Variants in GTF2F2 observed in about 807,000 individuals in gnomAD.
The protein encoded by GTF2F2 is ATP-dependent helicase GTF2F2.
A neutral mutation model predicts 42.2 loss-of-function variants in GTF2F2; 23 were observed. The ratio of observed to expected loss-of-function variants is 0.55; its 90% CI spans 0.39 to 0.77. GTF2F2 has a LOEUF of 0.77. Ranked by LOEUF, GTF2F2 falls within the 30% of genes least tolerant of loss-of-function variation. GTF2F2 has a pLI of 0.00. For missense variants in GTF2F2, 261 were observed against 287.2 expected (o/e 0.91, Z 0.66); for synonymous variants, 105 against 100.8 (o/e 1.04, Z -0.25).
intron 5 of GTF2F2, among the ~76,000 whole-genome samples, chr13:45,245,024 T>C (rs542589840): frequency 6.6e-6 from 1 of 152,330 alleles, no homozygotes; most frequent in South Asian, 2.1e-4. Flanking sequence ...CAGATGTTTG[T>C]ATCTATTTTA....
chr13:45,248,002 A>G (rs1199169977), intron 5 of GTF2F2, among the ~76,000 whole-genome samples: 5 of 151,612 alleles, frequency 3.3e-5, no homozygotes, highest in Admixed American at 6.6e-5. Flanking sequence ...GCATCACCAC[A>G]CCTGGCTAAT....
Position 45,131,089 on chromosome 13 carries a change from C to T in GTF2F2, c.67-5644C>T, listed in dbSNP as rs1015287764. Among the ~76,000 whole-genome samples the T allele has an allele frequency of 7.2e-5, 11 of 151,956 alleles. No homozygotes were observed. The South Asian group carries it at 2.3e-3, about 32-fold the overall frequency. On this transcript the variant is annotated intron_variant, in intron 1 of 7. Transcript: ENST00000340473. ...CCAACATGGAGAAACCCCGTCTCTGCTAAAAATACAAAATTAGCTGAGGCA... is the reference window on the plus strand; with the variant it reads ...CCAACATGGAGAAACCCCGTCTCTGTTAAAAATACAAAATTAGCTGAGGCA...
chr13:45,265,259 A>C (rs1171416701), intron 6 of GTF2F2, among the ~76,000 whole-genome samples: 3 of 140,350 alleles, frequency 2.1e-5, no homozygotes, highest in Admixed American at 1.6e-4. Flanking sequence ...ACACCATTTC[A>C]AAAAAAAAAA....
intron 4 of GTF2F2, among the ~76,000 whole-genome samples, chr13:45,184,576 C>T (rs1328943459): frequency 6.6e-6 from 1 of 152,010 alleles, no homozygotes; most frequent in Non-Finnish European, 1.5e-5. Flanking sequence ...ATTGTGAAAT[C>T]CTCACCTGCT....
chr13:45,230,130 C>T (rs1321951051), intron 5 of GTF2F2, among the ~76,000 whole-genome samples: 5 of 151,894 alleles, frequency 3.3e-5, no homozygotes, highest in Non-Finnish European at 5.9e-5. Context: ...GAAGGAGAAT[C>T]GTTTAAACCC....
intron 5 of GTF2F2, among the ~76,000 whole-genome samples, chr13:45,247,932 C>T (rs1875712564): frequency 6.6e-6 from 1 of 152,118 alleles, no homozygotes; most frequent in Non-Finnish European, 1.5e-5. Context: ...ACAACCTCTA[C>T]CTTCTGGGTT....
chr13:45,170,970 A>G (rs1871565911), intron 4 of GTF2F2, among the ~76,000 whole-genome samples: 2 of 152,108 alleles, frequency 1.3e-5, no homozygotes, highest in African/African-American at 4.8e-5. Context: ...TGGCTCAGGC[A>G]GCAGCAGAAA....
chr13:45,259,253 C>T, intron 6 of GTF2F2, among the ~76,000 whole-genome samples: 1 of 152,042 alleles, frequency 6.6e-6, no homozygotes, highest in East Asian at 1.9e-4. Flanking sequence ...CTGGTAAAAC[C>T]CCGTCTCTAC....
intron 5 of GTF2F2, among the ~76,000 whole-genome samples, chr13:45,226,276 AC>A (rs1222160330): frequency 6.6e-6 from 1 of 152,182 alleles, no homozygotes; most frequent in Non-Finnish European, 1.5e-5. Context: ...CTCTAAACTT[AC>A]GCTGTTGGTT....
At chr13:45,137,098 C>A (rs1869668662) in intron 2 of GTF2F2, among the ~76,000 whole-genome samples, 1 of 152,198 alleles carries the variant, frequency 6.6e-6, no homozygotes, top group African/African-American at 2.4e-5. Context: ...TTTCACCCCT[C>A]CATCCTGTCT....
intron 5 of GTF2F2, among the ~76,000 whole-genome samples, chr13:45,210,286 C>G (rs1337731438): frequency 6.6e-6 from 1 of 152,142 alleles, no homozygotes; most frequent in Non-Finnish European, 1.5e-5. Flanking sequence ...CTGCTCCAAC[C>G]ACACCTGTCT....
In GTF2F2 at chr13:45,201,107, A is replaced by G. The variant is rs987624708; in HGVS notation, c.305-6317A>G. ...ACTTGATTTCATTACTTACATGCCA[A>G]TGCTAATAAGCAGTGTTGCTGCTTG... On this transcript the variant is annotated intron_variant, in intron 4 of 7. Transcript: ENST00000340473. Among the ~76,000 whole-genome samples, 29 of 152,350 alleles carry G rather than the reference A, an allele frequency of 1.9e-4. No individual in the cohort carries two copies. The East Asian group carries it at 1.9e-3, about 10-fold the overall frequency.
chr13:45,219,012 T>TG (rs956312059), intron 5 of GTF2F2, among the ~76,000 whole-genome samples: 5 of 152,112 alleles, frequency 3.3e-5, no homozygotes, highest in African/African-American at 1.2e-4. Flanking sequence ...GAGAAGATGT[T>TG]GGGGGTTTTT....
At chr13:45,242,318 C>T (rs780935711) in intron 5 of GTF2F2, among the ~76,000 whole-genome samples, 1 of 146,940 alleles carries the variant, frequency 6.8e-6, no homozygotes, top group Non-Finnish European at 1.5e-5. Context: ...CTCTCACTCA[C>T]GGGCAGTCTC....
chr13:45,169,912 G>A (rs1453940584), intron 4 of GTF2F2, among the ~76,000 whole-genome samples: 1 of 152,160 alleles, frequency 6.6e-6, no homozygotes, highest in African/African-American at 2.4e-5. Context: ...GTTTAGAAAT[G>A]TTGCAATATT....
At chr13:45,211,482 T>C (rs1255682462) in intron 5 of GTF2F2, among the ~76,000 whole-genome samples, 2 of 151,580 alleles carry the variant, frequency 1.3e-5, no homozygotes, top group East Asian at 3.9e-4. Flanking sequence ...TTGCCCAGGC[T>C]GATCTCAAAC....
At chr13:45,149,658 T>C (rs1870383416) in intron 2 of GTF2F2, 112 bp from the exon 3 acceptor site, 13 of 1,095,488 alleles carry the variant, frequency 1.2e-5, no homozygotes, top group Non-Finnish European at 1.5e-5. Context: ...GGTTAATCTC[T>C]GTAAATGTAA....
At position 45,124,128 on chromosome 13, in the gene GTF2F2, C is replaced by G. The variant is rs1051743739; in HGVS notation, c.66+3407C>G. ...TGGTCGTTGAGGGCAATGCCAGCCC[C>G]AGCATCTAAGGTGGCGCGATCTCGG... On this transcript the variant is annotated intron_variant, in intron 1 of 7. Coordinates refer to ENST00000340473, the MANE Select transcript of GTF2F2 (RefSeq NM_004128.3). The G allele has an allele frequency of 8.7e-5, 60 of 691,970 alleles. 1 individual carries two copies. The highest frequency in any genetic ancestry group is 3.1e-4 in the East Asian group (11 of 35,930). The allele number at this position is 691,970 out of a possible 1,614,324, so 42.9% of individuals were successfully genotyped here.
intron 5 of GTF2F2, among the ~76,000 whole-genome samples, chr13:45,211,967 A>G (rs1286327652): frequency 1.3e-5 from 2 of 151,812 alleles, no homozygotes; most frequent in African/African-American, 4.9e-5. Context: ...ACACACACAC[A>G]CACGCACACA....
Sources: allele counts gnomAD v4.1 joint callset (sites outside exome capture counted in the v4.1 genomes callset), GRCh38; gene constraint gnomAD v4.1.1; transcripts MANE v1.5; gene names NCBI Gene and HGNC (gene_info 2026-07-23, HGNC 2026-07-21).